The following PTPRD variants were observed in gnomAD, a reference collection of about 807,000 sequenced individuals.
PTPRD encodes the protein protein tyrosine phosphatase receptor type D, also known as receptor-type tyrosine-protein phosphatase delta.
PTPRD carries 34 observed loss-of-function variants against 214.5 expected under a neutral mutation model. The ratio of observed to expected loss-of-function variants is 0.16; its 90% CI spans 0.12 to 0.21. PTPRD has a LOEUF of 0.21. PTPRD is among the 10% of genes least tolerant of loss of function. The pLI is 1.00. For synonymous variants in PTPRD, 1,128 were observed against 845.7 expected (o/e 1.33, Z -5.79); for missense variants, 2,545 against 2,398.7 (o/e 1.06, Z -1.27).
intron 4 of PTPRD, among the ~76,000 whole-genome samples, chr9:10,027,608 A>G (rs1340655895): frequency 6.6e-6 from 1 of 152,224 alleles, no homozygotes; most frequent in Non-Finnish European, 1.5e-5. Flanking sequence ...ATAACAATAT[A>G]TGGCACATAA....
At chr9:9,880,084 G>C (rs770604884) in intron 5 of PTPRD, among the ~76,000 whole-genome samples, 5 of 152,146 alleles carry the variant, frequency 3.3e-5, no homozygotes, top group African/African-American at 1.2e-4. Context: ...GGAGGGAGGT[G>C]ATTGGATCAT....
intron 9 of PTPRD, among the ~76,000 whole-genome samples, chr9:9,268,382 A>AT (rs879300654): frequency 4.4e-4 from 66 of 151,406 alleles, no homozygotes; most frequent in Admixed American, 1.1e-3. Context: ...TATATAAAAA[A>AT]ATAGCCTGTG....
At chr9:8,528,484 A>T in intron 15 of PTPRD, 107 bp downstream of exon 15, 1 of 1,024,186 alleles carries the variant, frequency 9.8e-7, no homozygotes, top group Non-Finnish European at 1.5e-6. Context: ...GAGGGAGAAA[A>T]ATCAGTACCT....
chr9:9,947,899 G>C (rs945755587), intron 4 of PTPRD, among the ~76,000 whole-genome samples: 2 of 151,348 alleles, frequency 1.3e-5, no homozygotes, highest in Non-Finnish European at 2.9e-5. Flanking sequence ...AATGAATCAA[G>C]AAAGACAGCC....
intron 37 of PTPRD, among the ~76,000 whole-genome samples, chr9:8,388,178 A>G (rs2087923186): frequency 1.3e-5 from 2 of 152,128 alleles, no homozygotes; most frequent in South Asian, 4.1e-4. Context: ...CTTTTCCCTT[A>G]TAAATCTCTT....
intron 7 of PTPRD, among the ~76,000 whole-genome samples, chr9:9,721,062 T>A (rs2097929566): frequency 1.3e-5 from 2 of 152,042 alleles, no homozygotes; most frequent in African/African-American, 4.8e-5. Flanking sequence ...GGTGATAAAA[T>A]AATCTGTACA....
chr9:9,049,725 G>A (rs915792516), intron 10 of PTPRD, among the ~76,000 whole-genome samples: 2 of 152,124 alleles, frequency 1.3e-5, no homozygotes, highest in Non-Finnish European at 2.9e-5. Context: ...AGTAGTAGGA[G>A]AACATCTAAT....
chr9:9,576,005 G>C (rs186674711), intron 7 of PTPRD, among the ~76,000 whole-genome samples: 1 of 152,074 alleles, frequency 6.6e-6, no homozygotes, highest in African/African-American at 2.4e-5. Flanking sequence ...TGACTGGTAG[G>C]TCTACAAGTA....
At chr9:8,919,326 G>A (rs1371894144) in intron 11 of PTPRD, among the ~76,000 whole-genome samples, 4 of 150,674 alleles carry the variant, frequency 2.7e-5, no homozygotes, top group Non-Finnish European at 5.9e-5. Context: ...CTGGGGGGTG[G>A]AGGTGCAGTG....
At chr9:8,522,392 CAGA>C (rs1384299851) in intron 19 of PTPRD, among the ~76,000 whole-genome samples, 1 of 152,098 alleles carries the variant, frequency 6.6e-6, no homozygotes, top group African/African-American at 2.4e-5. Context: ...GGTTGAAAGA[CAGA>C]AGATTAAGCT....
chr9:8,809,048 C>G (rs770806525), intron 11 of PTPRD, among the ~76,000 whole-genome samples: 2 of 152,114 alleles, frequency 1.3e-5, no homozygotes, highest in African/African-American at 2.4e-5. Context: ...GTGAAACTAA[C>G]TAAGACCACA....
At chr9:8,589,422 C>G (rs1399045144) in intron 14 of PTPRD, among the ~76,000 whole-genome samples, 1 of 152,210 alleles carries the variant, frequency 6.6e-6, no homozygotes, top group African/African-American at 2.4e-5. Context: ...CAGCGACTTT[C>G]TGACTTGTCG....
intron 5 of PTPRD, among the ~76,000 whole-genome samples, chr9:9,930,732 G>A (rs943312203): frequency 2.6e-5 from 4 of 151,920 alleles, no homozygotes; most frequent in African/African-American, 9.7e-5. Context: ...TATGAAATAT[G>A]TATTATTTAT....
intron 3 of PTPRD, among the ~76,000 whole-genome samples, chr9:10,169,258 A>G (rs2099183300): frequency 6.6e-6 from 1 of 151,708 alleles, no homozygotes; most frequent in Non-Finnish European, 1.5e-5. Flanking sequence ...GCGGATCACG[A>G]GGTCAGGAGA....
At chr9:9,072,807 C>A (rs572519942) in intron 10 of PTPRD, among the ~76,000 whole-genome samples, 11 of 152,218 alleles carry the variant, frequency 7.2e-5, no homozygotes, top group Non-Finnish European at 1.5e-4. Flanking sequence ...TACATGGAGT[C>A]ACATTTTGCC....
intron 9 of PTPRD, among the ~76,000 whole-genome samples, chr9:9,385,311 C>A (rs1417883383): frequency 6.6e-6 from 1 of 152,126 alleles, no homozygotes; most frequent in African/African-American, 2.4e-5. Context: ...AGGATATAGA[C>A]TATTTTTCTT....
intron 5 of PTPRD, among the ~76,000 whole-genome samples, chr9:9,827,480 T>G (rs1400612793): frequency 6.6e-6 from 1 of 152,136 alleles, no homozygotes; most frequent in Non-Finnish European, 1.5e-5. Context: ...CTGGATCCCT[T>G]CCTTACACTT....
At chr9:9,643,282 T>G (rs931568426) in intron 7 of PTPRD, among the ~76,000 whole-genome samples, 12 of 152,122 alleles carry the variant, frequency 7.9e-5, no homozygotes, top group African/African-American at 2.9e-4. Context: ...GATGACAAAC[T>G]GCAACATGTA....
chr9:10,518,678 G>A lies in PTPRD; in HGVS notation c.-600+93720C>T, dbSNP rs572590525. On this transcript the variant is annotated intron_variant, in intron 2 of 45. Transcript: ENST00000381196. ...CTCCCAAGTAGCTGGGACTACAGGC[G>A]CCCGCCACCACACCCGGCTAATTTT... is the stretch of plus-strand genomic sequence containing the variant. Among the ~76,000 whole-genome samples the A allele has an allele frequency of 1.9e-4, 29 of 151,796 alleles. No individual in the cohort carries two copies. The South Asian group carries it at 2.1e-3, about 11-fold the overall frequency.
Sources: gnomAD v4.1 joint callset for allele counts (sites outside exome capture counted in the v4.1 genomes callset) on GRCh38, gnomAD v4.1.1 for gene constraint, MANE v1.5 for transcripts, NCBI Gene and HGNC (gene_info 2026-07-23, HGNC 2026-07-21) for gene names.